Variants in HAO2 observed in about 807,000 individuals in gnomAD.
HAO2 encodes the protein hydroxyacid oxidase 2.
HAO2 carries 42 observed loss-of-function variants against 37.4 expected under a neutral mutation model. The ratio of observed to expected loss-of-function variants is 1.12; its 90% CI spans 0.88 to 1.45. The LOEUF (loss-of-function observed/expected upper bound fraction) is 1.45, where lower values mean the gene tolerates loss of function less well. Ranked by LOEUF, HAO2 falls within the 40% of genes most tolerant of loss-of-function variation. The probability of loss-of-function intolerance (pLI) is 0.00; values close to 1 mark genes in which losing one functional copy is unlikely to be tolerated. For synonymous variants in HAO2, 180 were observed against 162.8 expected (o/e 1.11, Z -0.81); for missense variants, 476 against 430.2 (o/e 1.11, Z -0.94).
At position 119,393,778 on chromosome 1, in the gene HAO2, C is replaced by A; in HGVS notation, c.1001-7C>A. 2 of 1,613,000 alleles carry A rather than the reference C, an allele frequency of 1.2e-6. No homozygotes were observed. Among genetic ancestry groups the A allele is most frequent in the African/African-American group, 1.3e-5 (1 of 74,984 alleles). ...AAAATGAGCTTGTAACCACATTGTT[C>A]TTTTAGGCTGCCGGTCGGTCGCTGA... On this transcript the variant is annotated splice_region_variant and splice_polypyrimidine_tract_variant and intron_variant, in intron 7 of 7. Coordinates refer to ENST00000325945, the MANE Select transcript of HAO2 (RefSeq NM_016527.4).
At chr1:119,390,083 A>C (rs1158574520) in intron 5 of HAO2, among the ~76,000 whole-genome samples, 2 of 152,116 alleles carry the variant, frequency 1.3e-5, no homozygotes, top group African/African-American at 4.8e-5. Context: ...GCTTCACCAA[A>C]GATCAGTTGG....
At chr1:119,385,495 C>G in intron 4 of HAO2, 1 of 773,290 alleles carries the variant, frequency 1.3e-6, no homozygotes, top group Non-Finnish European at 1.6e-6. Context: ...ACTGGCCAGA[C>G]AGTCTAGACA....
intron 5 of HAO2, among the ~76,000 whole-genome samples, chr1:119,389,450 A>G (rs1024409712): frequency 1.3e-5 from 2 of 151,444 alleles, no homozygotes; most frequent in Non-Finnish European, 2.9e-5. Context: ...CATCCACATG[A>G]ACATCTATTA....
intron 5 of HAO2, among the ~76,000 whole-genome samples, chr1:119,391,306 G>T (rs1360419962): frequency 6.6e-6 from 1 of 152,018 alleles, no homozygotes; most frequent in Non-Finnish European, 1.5e-5. Context: ...CCTCCCCAAG[G>T]ATCTTCCGCC....
chr1:119,382,840 G>A lies in HAO2; in HGVS notation c.132-75G>A, dbSNP rs796100540. ...TTTAGACTTGTATCAGGAATCAGGGGGGTCCACCCCAGACAACGCCTCCCT... is the reference window on the plus strand; with the variant it reads ...TTTAGACTTGTATCAGGAATCAGGGAGGTCCACCCCAGACAACGCCTCCCT... On this transcript the variant is annotated intron_variant, in intron 2 of 7. Transcript: ENST00000325945. The A allele has an allele frequency of 8.7e-6, 12 of 1,380,360 alleles. No individual in the cohort carries two copies. The African/African-American group carries it at 1.4e-4, about 16-fold the overall frequency. 85.5% of individuals were successfully genotyped at this position (1,380,360 alleles called of 1,614,324 possible).
intron 1 of HAO2, chr1:119,370,282 C>A (rs587737197): frequency 2.0e-5 from 3 of 152,316 alleles, no homozygotes; most frequent in African/African-American, 4.8e-5. Flanking sequence ...GCAGTATATG[C>A]CTCCGCCACC....
intron 5 of HAO2, 91 bp from the exon 6 acceptor site, chr1:119,392,019 C>A: frequency 8.5e-7 from 1 of 1,180,250 alleles, no homozygotes. Flanking sequence ...AGGGCGTCTC[C>A]TCAGCTTGGT....
chr1:119,390,632 T>C (rs139648408), intron 5 of HAO2, among the ~76,000 whole-genome samples: 225 of 152,312 alleles, frequency 1.5e-3, no homozygotes, highest in African/African-American at 5.3e-3. Flanking sequence ...GAGTTGATAA[T>C]AATTGTGAAA....
At chr1:119,369,284 A>G (rs923016918) in intron 1 of HAO2, among the ~76,000 whole-genome samples, 4 of 152,244 alleles carry the variant, frequency 2.6e-5, no homozygotes, top group East Asian at 1.9e-4. Flanking sequence ...CCCGGCCACA[A>G]GCAAAAGAAA....
chr1:119,390,077 C>T (rs1012674712), intron 5 of HAO2, among the ~76,000 whole-genome samples: 1 of 152,060 alleles, frequency 6.6e-6, no homozygotes, highest in Admixed American at 6.6e-5. Context: ...TTGTTTGCTT[C>T]ACCAAAGATC....
rs756932355 is a variant in HAO2, at chr1:119,392,162, A to T, written c.824A>T (p.Tyr275Phe). The change falls in exon 6 of 8, where the codon TAC becomes TTC. Residue 275 changes from tyrosine (Y) to phenylalanine (F), a missense_variant. Transcript: ENST00000325945. ...GCTGTAAAGGGGAAAATTGAAGTCT[A>T]CCTGGATGGCGGGGTCCGAACTGGC... Reference protein sequence around the residue: ...VAAVKGKIEVYLDGGVRTGND... With the variant: ...VAAVKGKIEVFLDGGVRTGND... The T allele has an allele frequency of 3.8e-5, 61 of 1,613,346 alleles. No homozygotes were observed. In the East Asian group the frequency reaches 4.5e-4, roughly 12 times the overall value.
chr1:119,380,514 T>C, intron 1 of HAO2: 1 of 595,260 alleles, frequency 1.7e-6, no homozygotes, highest in South Asian at 2.3e-5. Flanking sequence ...CTCCAGACAA[T>C]TCAAACATTG....
At chr1:119,383,815 A>G (rs1236795102) in intron 3 of HAO2, among the ~76,000 whole-genome samples, 1 of 152,126 alleles carries the variant, frequency 6.6e-6, no homozygotes, top group Non-Finnish European at 1.5e-5. Context: ...ATGATGAAGG[A>G]AGCTATGGAT....
In HAO2 at chr1:119,386,650, C is replaced by A. The variant is rs140054426; in HGVS notation, c.590C>A (p.Thr197Asn). 1 of 1,610,698 alleles carries A rather than the reference C, an allele frequency of 6.2e-7. No homozygotes were observed. Among genetic ancestry groups the A allele is most frequent in the South Asian group, 1.1e-5 (1 of 90,988 alleles). The change falls in exon 5 of 8, where the codon ACT becomes AAT. Residue 197 changes from threonine (T) to asparagine (N), a missense_variant. Thr to Asn is a moderately conservative substitution (Grantham distance 65). Coordinates refer to ENST00000325945, the MANE Select transcript of HAO2 (RefSeq NM_016527.4). ...AATGCAATACCTTATTTCCAGATGA[C>A]TCCTATCAGCACTTCTCTCTGCTGG... ...KGNAIPYFQM[T>N]PISTSLCWND...
intron 1 of HAO2, chr1:119,370,137 G>A (rs1215367612): frequency 6.6e-6 from 1 of 152,102 alleles, no homozygotes; most frequent in Non-Finnish European, 1.5e-5. Context: ...AAAGCTGGAG[G>A]GTCACATACC....
chr1:119,392,806 C>T, intron 7 of HAO2, 119 bp downstream of exon 7: 1 of 747,498 alleles, frequency 1.3e-6, no homozygotes, highest in Admixed American at 1.8e-5. Context: ...AAAGATAGGA[C>T]AGGCAGGCAA....
intron 1 of HAO2, chr1:119,380,627 G>A: frequency 1.8e-6 from 2 of 1,132,310 alleles, no homozygotes; most frequent in Non-Finnish European, 2.7e-6. Flanking sequence ...GCCATGACGT[G>A]GGCACATTGA....
chr1:119,382,368 A>G (rs1299916753), intron 2 of HAO2, among the ~76,000 whole-genome samples: 1 of 152,172 alleles, frequency 6.6e-6, no homozygotes, highest in Non-Finnish European at 1.5e-5. Context: ...ATTATTTGTA[A>G]ATTCTCCTAC....
In HAO2 at chr1:119,376,025, C is replaced by A. The variant is rs587719596; in HGVS notation, c.-8-5053C>A. ...ATCTCATGTCCTCACATTTCAAAAC[C>A]AATCATGCCTTCCCAACAGTTCCTC... On this transcript the variant is annotated intron_variant, in intron 1 of 7. Coordinates refer to ENST00000325945, the MANE Select transcript of HAO2 (RefSeq NM_016527.4). 2.6e-5 allele frequency among the ~76,000 whole-genome samples: 4 copies of A among 152,284 alleles called. No homozygotes were observed. In the South Asian group the frequency reaches 8.3e-4, roughly 32 times the overall value.
Sources: allele counts gnomAD v4.1 joint callset (sites outside exome capture counted in the v4.1 genomes callset), GRCh38; gene constraint gnomAD v4.1.1; transcripts MANE v1.5; gene names NCBI Gene and HGNC (gene_info 2026-07-23, HGNC 2026-07-21).